The following GALNT7 variants were observed in gnomAD, a reference collection of about 807,000 sequenced individuals.
GALNT7 encodes the protein polypeptide N-acetylgalactosaminyltransferase 7, also known as N-acetylgalactosaminyltransferase 7.
Under a neutral mutation model 82.1 loss-of-function variants are expected in GALNT7, and 60 were observed. The ratio of observed to expected loss-of-function variants is 0.73; its 90% CI spans 0.59 to 0.91. The LOEUF is 0.91. GALNT7 is among the 40% of genes least tolerant of loss of function. The pLI is 0.00. For missense variants in GALNT7, 660 were observed against 804.2 expected (o/e 0.82, Z 2.17); for synonymous variants, 243 against 275.1 (o/e 0.88, Z 1.15).
At chr4:173,186,725 C>T (rs1189541696) in intron 1 of GALNT7, among the ~76,000 whole-genome samples, 1 of 151,830 alleles carries the variant, frequency 6.6e-6, no homozygotes, top group African/African-American at 2.4e-5. Context: ...AAGTTATATC[C>T]TTAAATGAAC....
intron 1 of GALNT7, among the ~76,000 whole-genome samples, chr4:173,190,683 G>T (rs953123786): frequency 6.6e-6 from 1 of 151,538 alleles, no homozygotes; most frequent in Non-Finnish European, 1.5e-5. Flanking sequence ...TTTTTAATGC[G>T]TTCATTATTA....
intron 1 of GALNT7, among the ~76,000 whole-genome samples, chr4:173,239,565 C>T (rs1734352021): frequency 6.6e-6 from 1 of 152,106 alleles, no homozygotes; most frequent in African/African-American, 2.4e-5. Flanking sequence ...CAAAACAAAA[C>T]AAACAAACAA....
At chr4:173,263,829 A>G (rs1292881007) in intron 2 of GALNT7, among the ~76,000 whole-genome samples, 1 of 152,208 alleles carries the variant, frequency 6.6e-6, no homozygotes, top group African/African-American at 2.4e-5. Flanking sequence ...CATATTTTTT[A>G]AAGTCTAGAG....
chr4:173,254,373 G>T (rs1021707270), intron 2 of GALNT7, among the ~76,000 whole-genome samples: 2 of 152,008 alleles, frequency 1.3e-5, no homozygotes, highest in African/African-American at 4.8e-5. Flanking sequence ...CATATTAAAG[G>T]TTCTCTTTGA....
chr4:173,304,911 C>G (rs527887280), intron 8 of GALNT7, among the ~76,000 whole-genome samples: 1 of 152,086 alleles, frequency 6.6e-6, no homozygotes, highest in East Asian at 1.9e-4. Context: ...ATTTTCTTTA[C>G]CCATTCATCT....
At chr4:173,244,052 G>T (rs1006920482) in intron 1 of GALNT7, among the ~76,000 whole-genome samples, 2 of 152,126 alleles carry the variant, frequency 1.3e-5, no homozygotes, top group African/African-American at 4.8e-5. Context: ...ACAGTCTAGT[G>T]CAGGGACTAG....
At chr4:173,205,447 G>C (rs548676971) in intron 1 of GALNT7, among the ~76,000 whole-genome samples, 1 of 152,276 alleles carries the variant, frequency 6.6e-6, no homozygotes, top group East Asian at 1.9e-4. Flanking sequence ...CCCTGGGTCT[G>C]CTGGAGCATG....
At chr4:173,175,074 G>T (rs1485984090) in intron 1 of GALNT7, among the ~76,000 whole-genome samples, 2 of 152,172 alleles carry the variant, frequency 1.3e-5, no homozygotes, top group Non-Finnish European at 2.9e-5. Flanking sequence ...TATTAAAAAA[G>T]TTGGTCAGCA....
intron 1 of GALNT7, among the ~76,000 whole-genome samples, chr4:173,216,171 T>C (rs748123975): frequency 6.6e-6 from 1 of 152,228 alleles, no homozygotes; most frequent in Non-Finnish European, 1.5e-5. Context: ...GTCTATGTTA[T>C]GATTCTATAT....
intron 1 of GALNT7, among the ~76,000 whole-genome samples, chr4:173,208,647 C>T (rs1733175992): frequency 6.6e-6 from 1 of 152,200 alleles, no homozygotes; most frequent in Non-Finnish European, 1.5e-5. Context: ...GTTCATCTCC[C>T]AGCTGGCTCT....
chr4:173,251,508 A>G (rs1283930476), intron 2 of GALNT7, among the ~76,000 whole-genome samples: 1 of 152,238 alleles, frequency 6.6e-6, no homozygotes, highest in Non-Finnish European at 1.5e-5. Context: ...TAAATGTCAC[A>G]CATTGCCTTG....
chr4:173,182,716 G>A (rs1423055783), intron 1 of GALNT7, among the ~76,000 whole-genome samples: 1 of 120,614 alleles, frequency 8.3e-6, no homozygotes, highest in Non-Finnish European at 1.6e-5. Context: ...CCCGAATGAT[G>A]AGGCTAGCAG....
At chr4:173,305,455 A>G (rs1737118073) in intron 8 of GALNT7, among the ~76,000 whole-genome samples, 1 of 151,844 alleles carries the variant, frequency 6.6e-6, no homozygotes, top group Admixed American at 6.6e-5. Context: ...GTCTATTTTT[A>G]TTTTTGTTGC....
intron 1 of GALNT7, among the ~76,000 whole-genome samples, chr4:173,175,178 T>G (rs998742485): frequency 2.0e-5 from 3 of 152,250 alleles, no homozygotes; most frequent in African/African-American, 4.8e-5. Flanking sequence ...ATTTCGATTC[T>G]CATTCCTGAA....
rs915387963 is a variant in GALNT7 at position 173,323,837 on chromosome 4, CTGTA to C, written c.*2124_*2127del. On this transcript the variant is annotated 3_prime_UTR_variant, in exon 12 of 12. Transcript: ENST00000265000. ...TTTGATTTATGCAGATTTTGATACACTGTATGTTTCTGTAGAAATTGTATAAATA... is the reference window on the plus strand; with the variant it reads ...TTTGATTTATGCAGATTTTGATACACTGTTTCTGTAGAAATTGTATAAATA... The C allele has an allele frequency of 4.6e-5, 7 of 152,556 alleles. No individual in the cohort carries two copies. The highest frequency in any genetic ancestry group is 1.7e-4 in the African/African-American group (7 of 41,438). 9.5% of individuals were successfully genotyped at this position (152,556 alleles called of 1,614,324 possible).
At position 173,248,222 on chromosome 4, in the gene GALNT7, T is replaced by C. The variant is rs1304452786; in HGVS notation, c.369T>C (p.His123=). 1 of 1,613,988 alleles carries C rather than the reference T, an allele frequency of 6.2e-7. No homozygotes were observed. Among genetic ancestry groups the C allele is most frequent in the African/African-American group, 1.3e-5 (1 of 75,044 alleles). The stretch of plus-strand genomic sequence containing the variant: ...TTAAGCCTCAGACATTCACCTACCA[T>C]GATCCTGTGCTTCGCCCAGGGATCC... The part of the protein sequence containing the change: ...LTFKPQTFTY[H]DPVLRPGILG... Residue 123 remains histidine, a synonymous_variant, in exon 2 of 12, where the codon CAT becomes CAC. Transcript: ENST00000265000.
intron 1 of GALNT7, among the ~76,000 whole-genome samples, chr4:173,224,927 A>G (rs1203098533): frequency 1.3e-5 from 2 of 151,750 alleles, no homozygotes; most frequent in African/African-American, 2.4e-5. Context: ...AGGCAGGAGA[A>G]TGGTGTGAAC....
At chr4:173,181,828 A>G (rs1265885690) in intron 1 of GALNT7, among the ~76,000 whole-genome samples, 1 of 152,198 alleles carries the variant, frequency 6.6e-6, no homozygotes, top group Non-Finnish European at 1.5e-5. Context: ...CCAGTGTCCT[A>G]TTTGAAAATC....
At chr4:173,265,558 G>A (rs1208010656) in intron 2 of GALNT7, among the ~76,000 whole-genome samples, 1 of 151,146 alleles carries the variant, frequency 6.6e-6, no homozygotes, top group East Asian at 2.0e-4. Context: ...CATGCTAGCT[G>A]TTTTACTAGC....
Sources: gnomAD v4.1 joint callset for allele counts (sites outside exome capture counted in the v4.1 genomes callset) on GRCh38, gnomAD v4.1.1 for gene constraint, MANE v1.5 for transcripts, NCBI Gene and HGNC (gene_info 2026-07-23, HGNC 2026-07-21) for gene names.